ARHGAP39: variants seen among roughly 807,000 people sequenced by gnomAD.
ARHGAP39 encodes rho GTPase-activating protein 39.
ARHGAP39 carries 44 observed loss-of-function variants against 106.9 expected under a neutral mutation model. That is an observed-to-expected ratio of 0.41 (90% CI 0.32 to 0.53). The LOEUF is 0.53. Ranked by LOEUF, ARHGAP39 falls within the 20% of genes least tolerant of loss-of-function variation. The pLI is 0.21. For missense variants in ARHGAP39, 1,496 were observed against 1,577.3 expected (o/e 0.95, Z 0.87); for synonymous variants, 768 against 693.2 (o/e 1.11, Z -1.69).
intron 11 of ARHGAP39, 37 bp downstream of exon 11, chr8:144,530,665 A>AGGGGGGGGGGG: frequency 1.1e-6 from 1 of 913,536 alleles, no homozygotes; most frequent in Middle Eastern, 3.8e-4. Context: ...CGGGGCGGGG[A>AGGGGGGGGGGG]GGGGAAAGCA....
Position 144,641,602 on chromosome 8 carries a change from A to G in ARHGAP39, c.-81-35907T>C, listed in dbSNP as rs747994833. 6.6e-6 allele frequency among the ~76,000 whole-genome samples: 1 copy of G among 152,184 alleles called. No homozygotes were observed. ...AGGACTCCATCCTCCCACACCCCTCAACTTCCAGCTTAGACTCAGCCTCTG... is the reference window on the plus strand; with the variant it reads ...AGGACTCCATCCTCCCACACCCCTCGACTTCCAGCTTAGACTCAGCCTCTG... On this transcript the variant is annotated intron_variant, in intron 1 of 11. Transcript: ENST00000377307. This position sits in a 1 kb window ranked among gnomAD's most constrained non-coding sequence, Gnocchi z 5.2.
At position 144,545,325 on chromosome 8, in the gene ARHGAP39, G is replaced by A. The variant is rs200810387; in HGVS notation, c.2445C>T (p.Phe815=). Residue 815 remains phenylalanine (F), a synonymous_variant, in exon 6 of 12, where the codon TTC becomes TTT. Coordinates refer to ENST00000377307, the MANE Select transcript of ARHGAP39 (RefSeq NM_025251.3). ...AGGAGTGGAACTTGGGGGTGGGCGG[G>A]AAAAAGGCCAGGCAGATGGCCATGA... is the stretch of plus-strand genomic sequence containing the variant. ...WELMAICLAF[F]PPTPKFHSYL... is the part of the protein sequence containing the mutation. 6 of 1,596,044 alleles carry A rather than the reference G, an allele frequency of 3.8e-6. No individual in the cohort carries two copies. The highest frequency in any genetic ancestry group is 5.1e-6 in the Non-Finnish European group (6 of 1,167,978).
chr8:144,548,177 G>A lies in ARHGAP39; in HGVS notation c.909C>T (p.Ser303=), dbSNP rs780737559. 5.7e-6 allele frequency: 9 copies of A among 1,578,538 alleles called. No individual in the cohort carries two copies. Among genetic ancestry groups the A allele is most frequent in the Admixed American group, 1.8e-5 (1 of 56,464 alleles). The change falls in exon 5 of 12, where the codon TCC becomes TCT. Residue 303 remains serine (S), a synonymous_variant. Transcript: ENST00000377307. The surrounding 1 kb of genome is among the most constrained non-coding windows in gnomAD (Gnocchi z 7.4). ...GCGGGGGTTCATAGCCATAGCGCGGGGAGGAGGGCTGCGAGTCCCCGGAGG... is the reference window on the plus strand; with the variant it reads ...GCGGGGGTTCATAGCCATAGCGCGGAGAGGAGGGCTGCGAGTCCCCGGAGG... The part of the protein sequence containing the change: ...RKPSGDSQPS[S]PRYGYEPPLY...
chr8:144,630,130 C>T (rs1821025349), intron 1 of ARHGAP39, among the ~76,000 whole-genome samples: 2 of 152,166 alleles, frequency 1.3e-5, no homozygotes, highest in Admixed American at 1.3e-4. Context: ...ACGAGCCGAA[C>T]AGGAACCGGC....
chr8:144,655,770 G>A (rs1821678323), intron 1 of ARHGAP39, among the ~76,000 whole-genome samples: 1 of 152,234 alleles, frequency 6.6e-6, no homozygotes, highest in South Asian at 2.1e-4. Context: ...GGCGCCACTA[G>A]CCACCGAGGT....
intron 7 of ARHGAP39, 125 bp from the exon 8 acceptor site, chr8:144,534,327 C>T (rs1816866510): frequency 9.9e-7 from 1 of 1,011,854 alleles, no homozygotes; most frequent in Non-Finnish European, 1.5e-6. Context: ...CCGGTCACCC[C>T]CTGCCCAGCA....
Position 144,600,526 on chromosome 8 carries a change from G to A in ARHGAP39, c.80+5009C>T, listed in dbSNP as rs536942581. 3.6e-3 allele frequency among the ~76,000 whole-genome samples: 533 copies of A among 148,998 alleles called. 3 individuals carry two copies. The highest frequency in any genetic ancestry group is 0.013 in the African/African-American group (507 of 40,076). On this transcript the variant is annotated intron_variant, in intron 2 of 11. Coordinates refer to ENST00000377307, the MANE Select transcript of ARHGAP39 (RefSeq NM_025251.3). ...TACCTACCTGCGTGTGCGTGGAGGC[G>A]TGCGTGTGCACTTGTGTACCTGAGT...
chr8:144,594,464 G>A (rs1819521659), intron 2 of ARHGAP39, among the ~76,000 whole-genome samples: 1 of 152,146 alleles, frequency 6.6e-6, no homozygotes, highest in South Asian at 2.1e-4. Context: ...GGAGGCCGAG[G>A]TGGGCAGATC....
intron 1 of ARHGAP39, among the ~76,000 whole-genome samples, chr8:144,678,784 G>A (rs1175269130): frequency 1.3e-5 from 2 of 152,350 alleles, no homozygotes; most frequent in East Asian, 3.9e-4. Context: ...TGTGGCAGGA[G>A]GGCGGGGAGT....
intron 1 of ARHGAP39, among the ~76,000 whole-genome samples, chr8:144,612,152 GCC>G (rs1563707838): frequency 2.0e-5 from 3 of 151,516 alleles, no homozygotes; most frequent in Admixed American, 6.6e-5. Flanking sequence ...CTGCACTCCA[GCC>G]AGGGCGACAG....
chr8:144,570,720 T>C (rs2130883756), intron 3 of ARHGAP39, among the ~76,000 whole-genome samples: 1 of 152,154 alleles, frequency 6.6e-6, no homozygotes, highest in South Asian at 2.1e-4. Context: ...ATCAACAAAA[T>C]TGGTACACTG....
intron 7 of ARHGAP39, 130 bp from the exon 8 acceptor site, chr8:144,534,332 C>G: frequency 3.2e-6 from 3 of 942,596 alleles, no homozygotes; most frequent in South Asian, 1.5e-5. Flanking sequence ...CACCCCCTGC[C>G]CAGCACAGCG....
At chr8:144,691,343 G>C in the ARHGAP39 span, among the ~76,000 whole-genome samples, 1 of 152,158 alleles carries the variant, frequency 6.6e-6, no homozygotes, top group African/African-American at 2.4e-5. Context: ...AGGATGTCCT[G>C]CTTGGACATC....
intron 2 of ARHGAP39, among the ~76,000 whole-genome samples, chr8:144,597,355 C>T (rs1819660006): frequency 1.3e-5 from 2 of 152,204 alleles, no homozygotes. Context: ...CTGGGTGGGG[C>T]CGACTGGTCC....
intron 6 of ARHGAP39, among the ~76,000 whole-genome samples, chr8:144,542,211 G>A (rs1011468261): frequency 5.3e-5 from 8 of 152,202 alleles, no homozygotes; most frequent in Non-Finnish European, 1.2e-4. Flanking sequence ...GGTGCTCCTC[G>A]ATGTCTGTGT....
Position 144,581,098 on chromosome 8 carries a change from G to A in ARHGAP39, c.260C>T (p.Thr87Met), listed in dbSNP as rs771566764. ...TSRFYYYNASTQRTVWHRPQG... is the reference protein window; with the variant it reads ...TSRFYYYNASMQRTVWHRPQG... ...CGGCCGGTGCCACACCGTGCGCTGCGTGCTGGCATTGTAGTAGTAGAAGCG... is the reference window on the plus strand; with the variant it reads ...CGGCCGGTGCCACACCGTGCGCTGCATGCTGGCATTGTAGTAGTAGAAGCG... The change falls in exon 3 of 12, where the codon ACG becomes ATG. Residue 87 changes from threonine (T) to methionine (M), a missense_variant. Transcript: ENST00000377307. 9 of 1,591,472 alleles carry A rather than the reference G, an allele frequency of 5.7e-6. No individual in the cohort carries two copies. Among genetic ancestry groups the A allele is most frequent in the African/African-American group, 1.3e-5 (1 of 74,696 alleles).
At position 144,591,961 on chromosome 8, in the gene ARHGAP39, G is replaced by A. The variant is rs1056756505; in HGVS notation, c.81-10684C>T. Among the ~76,000 whole-genome samples the A allele has an allele frequency of 2.0e-5, 3 of 152,216 alleles. No homozygotes were observed. Among genetic ancestry groups the A allele is most frequent in the East Asian group, 3.9e-4 (2 of 5,184 alleles). ...GAGTGGTGCCTGATCTCCTGTTCTC[G>A]CGTCACTTCTGTTAGATTTTAGCAG... On this transcript the variant is annotated intron_variant, in intron 2 of 11. Transcript: ENST00000377307. This position sits in a 1 kb window ranked among gnomAD's most constrained non-coding sequence, Gnocchi z 5.3.
At chr8:144,542,542 G>A (rs760010965) in intron 6 of ARHGAP39, among the ~76,000 whole-genome samples, 3 of 152,118 alleles carry the variant, frequency 2.0e-5, no homozygotes, top group African/African-American at 4.8e-5. Flanking sequence ...GGCTATATCC[G>A]ACATCCTCCT....
chr8:144,592,845 G>A (rs568530438), intron 2 of ARHGAP39, among the ~76,000 whole-genome samples: 56 of 152,324 alleles, frequency 3.7e-4, no homozygotes, highest in Admixed American at 2.6e-3. Context: ...GGACGGAGGC[G>A]TACAGCTGCT....
Sources: allele counts gnomAD v4.1 joint callset (sites outside exome capture counted in the v4.1 genomes callset), GRCh38; gene constraint gnomAD v4.1.1; non-coding constraint Gnocchi (gnomAD v3.1); transcripts MANE v1.5; gene names NCBI Gene and HGNC (gene_info 2026-07-23, HGNC 2026-07-21).